ATR: variants seen among roughly 807,000 people sequenced by gnomAD.
The protein encoded by ATR is serine/threonine-protein kinase ATR.
In ATR, 142 loss-of-function variants were observed where a neutral mutation model predicts 305.3. That is an observed-to-expected ratio of 0.47 (90% CI 0.41 to 0.53). The LOEUF is 0.53. Among genes scored for constraint, ATR ranks in the 20% least tolerant of loss-of-function variants. ATR has a pLI of 0.00. For synonymous variants in ATR, 1,050 were observed against 1,068.1 expected (o/e 0.98, Z 0.33); for missense variants, 2,135 against 3,133.1 (o/e 0.68, Z 7.60).
At position 142,553,249 on chromosome 3, in the gene ATR, T is replaced by C; in HGVS notation, c.2783A>G (p.Gln928Arg). 6.2e-7 allele frequency: 1 copy of C among 1,614,192 alleles called. No homozygotes were observed. The highest frequency in any genetic ancestry group is 8.5e-7 in the Non-Finnish European group (1 of 1,180,026). ...TACCTGACAGATGGGTTTCTTATAC[T>C]GGCTGAAAAAACTTTGCAGTTTAAC... ...KSVKLQSFFS[Q>R]YKKPICQFLV... The change falls in exon 13 of 47, where the codon CAG (glutamine) becomes CGG (arginine). Residue 928 changes from glutamine (Q) to arginine (R), a missense_variant. Transcript: ENST00000350721.
chr3:142,499,758 T>G (rs2108344834), intron 30 of ATR, 40 bp from the exon 31 acceptor site: 1 of 1,548,372 alleles, frequency 6.5e-7, no homozygotes, highest in East Asian at 2.2e-5. Context: ...TTTAATTTAT[T>G]TAAGGTGACA....
intron 8 of ATR, among the ~76,000 whole-genome samples, chr3:142,557,229 C>T (rs923489768): frequency 2.0e-5 from 3 of 151,926 alleles, no homozygotes; most frequent in Non-Finnish European, 1.5e-5. Context: ...TAACAAGTCC[C>T]TAAATGGTGG....
chr3:142,528,886 T>A (rs1255172446), intron 21 of ATR, among the ~76,000 whole-genome samples: 5 of 102,162 alleles, frequency 4.9e-5, no homozygotes, highest in African/African-American at 2.2e-4. Context: ...TATATTTTTT[T>A]TTTTTTTTTT....
At chr3:142,508,683 G>A (rs2032381900) in intron 27 of ATR, among the ~76,000 whole-genome samples, 1 of 152,066 alleles carries the variant, frequency 6.6e-6, no homozygotes, top group African/African-American at 2.4e-5. Flanking sequence ...CAGCACTTTG[G>A]GAGGCCGAGG....
At chr3:142,526,516 GTA>G (rs899592735) in intron 21 of ATR, among the ~76,000 whole-genome samples, 4 of 151,406 alleles carry the variant, frequency 2.6e-5, no homozygotes, top group African/African-American at 2.4e-5. Flanking sequence ...TATGTACTAT[GTA>G]TATATATACA....
chr3:142,578,053 A>G (rs2035497140), intron 1 of ATR, among the ~76,000 whole-genome samples: 1 of 152,234 alleles, frequency 6.6e-6, no homozygotes, highest in Non-Finnish European at 1.5e-5. Flanking sequence ...TGACTAAAAT[A>G]ACGGATCGGG....
rs2108465425 is a variant in ATR, at chr3:142,553,894, T to C, written c.2463A>G (p.Arg821=). 1 of 1,613,530 alleles carries C rather than the reference T, an allele frequency of 6.2e-7. No homozygotes were observed. The highest frequency in any genetic ancestry group is 8.5e-7 in the Non-Finnish European group (1 of 1,179,656). ...GCTTGATATTTCCACTAAAAGCCAC[T>C]CTAACATCTTTGTCTGGATCTTCCA... ...NLMEDPDKDV[R]VAFSGNIKHI... The change falls in exon 11 of 47, where the codon AGA becomes AGG. Residue 821 remains arginine (R), a synonymous_variant. Coordinates refer to ENST00000350721, the MANE Select transcript of ATR (RefSeq NM_001184.4).
intron 30 of ATR, among the ~76,000 whole-genome samples, chr3:142,501,875 G>C (rs1161528240): frequency 6.6e-6 from 1 of 152,126 alleles, no homozygotes. Context: ...CTCCCGAGTA[G>C]CTGGGATTAC....
At chr3:142,546,195 G>C (rs1004192423) in intron 16 of ATR, among the ~76,000 whole-genome samples, 1 of 152,178 alleles carries the variant, frequency 6.6e-6, no homozygotes, top group Non-Finnish European at 1.5e-5. Flanking sequence ...TGTGTTTTGA[G>C]GTAGTTCTGG....
rs2108326180 is a variant in ATR, at chr3:142,493,295, G to A, written c.5915C>T (p.Ala1972Val). ...AACACCTTTTTGAAGAACAATTAGT[G>A]CCTGGTGAACATCACCCTAAAAGAA... is the stretch of plus-strand genomic sequence containing the variant. The part of the protein sequence containing the change: ...WLWSKGDVHQ[A>V]LIVLQKGVEL... The change falls in exon 35 of 47, where the codon GCA (alanine) becomes GTA (valine). Residue 1972 changes from alanine to valine, a missense_variant. Ala to Val is a moderately conservative substitution (Grantham distance 64, BLOSUM62 0). Coordinates refer to ENST00000350721, the MANE Select transcript of ATR (RefSeq NM_001184.4). The A allele has an allele frequency of 6.2e-7, 1 of 1,613,328 alleles. No individual in the cohort carries two copies. Among genetic ancestry groups the A allele is most frequent in the Non-Finnish European group, 8.5e-7 (1 of 1,179,650 alleles).
At chr3:142,516,759 C>T (rs2108382465) in intron 24 of ATR, among the ~76,000 whole-genome samples, 1 of 152,198 alleles carries the variant, frequency 6.6e-6, no homozygotes, top group South Asian at 2.1e-4. Context: ...ATTCCGGATG[C>T]TCCTTGGGGT....
In ATR at chr3:142,553,329, T is replaced by G. The variant is rs201052932; in HGVS notation, c.2703A>C (p.Ala901=). The change falls in exon 13 of 47, where the codon GCA becomes GCC. Residue 901 remains alanine (A), a synonymous_variant. Transcript: ENST00000350721. ...CTGTGTATGCTGCTCCAGAGACAGATGCTGACTTGGATAACAAACAATGCA... is the reference window on the plus strand; with the variant it reads ...CTGTGTATGCTGCTCCAGAGACAGAGGCTGACTTGGATAACAAACAATGCA... ...HLLHCLLSKS[A]SVSGAAYTEI... is the part of the protein sequence containing the mutation. 3.3e-5 allele frequency: 53 copies of G among 1,613,914 alleles called. No individual in the cohort carries two copies. The highest frequency in any genetic ancestry group is 4.2e-5 in the Non-Finnish European group (50 of 1,179,970).
intron 21 of ATR, among the ~76,000 whole-genome samples, chr3:142,528,909 A>T (rs1477531978): frequency 8.7e-5 from 4 of 45,848 alleles, no homozygotes; most frequent in Admixed American, 5.2e-4. Context: ...TTTGAGGCAG[A>T]GTCTCACTGT....
At chr3:142,519,417 C>G (rs1014672741) in intron 24 of ATR, among the ~76,000 whole-genome samples, 8 of 151,802 alleles carry the variant, frequency 5.3e-5, no homozygotes, top group African/African-American at 1.7e-4. Context: ...TTCTCCTGCC[C>G]CAGCCTCCCA....
chr3:142,499,505 A>C, intron 31 of ATR, 122 bp downstream of exon 31: 1 of 838,162 alleles, frequency 1.2e-6, no homozygotes, highest in Non-Finnish European at 2.0e-6. Context: ...TGTGTTAGCC[A>C]GGATGGTCTC....
chr3:142,560,225 A>C, intron 6 of ATR, 38 bp downstream of exon 6: 1 of 1,587,106 alleles, frequency 6.3e-7, no homozygotes, highest in South Asian at 1.1e-5. Flanking sequence ...AGTTCATTAC[A>C]GGAAACCCAA....
chr3:142,508,419 C>T (rs1475460786), intron 27 of ATR, among the ~76,000 whole-genome samples: 1 of 151,952 alleles, frequency 6.6e-6, no homozygotes, highest in Non-Finnish European at 1.5e-5. Flanking sequence ...AAATATCAAT[C>T]TATTATTAAA....
chr3:142,540,472 A>C (rs558511224), intron 18 of ATR, among the ~76,000 whole-genome samples: 1 of 152,338 alleles, frequency 6.6e-6, no homozygotes, highest in South Asian at 2.1e-4. Flanking sequence ...GTTTTAGATT[A>C]GATATTTCTA....
At chr3:142,499,021 C>A (rs1000610679) in intron 31 of ATR, 4 of 530,588 alleles carry the variant, frequency 7.5e-6, no homozygotes, top group African/African-American at 1.9e-5. Context: ...GGTGAACAGG[C>A]ATGAGCCACC....
Sources: gnomAD v4.1 joint callset for allele counts (sites outside exome capture counted in the v4.1 genomes callset) on GRCh38, gnomAD v4.1.1 for gene constraint, MANE v1.5 for transcripts, NCBI Gene and HGNC (gene_info 2026-07-23, HGNC 2026-07-21) for gene names.